PLPP1: variants seen among roughly 807,000 people sequenced by gnomAD.
PLPP1 encodes lipid phosphate phosphohydrolase 1a.
A neutral mutation model predicts 31.2 loss-of-function variants in PLPP1; 24 were observed. The observed-to-expected ratio is 0.77, with a 90% CI of 0.56 to 1.08. The LOEUF (loss-of-function observed/expected upper bound fraction) is 1.08, where lower values mean the gene tolerates loss of function less well. Among genes scored for constraint, PLPP1 ranks in the 50% least tolerant of loss-of-function variants. The probability of loss-of-function intolerance (pLI) is 0.00; values close to 1 mark genes in which losing one functional copy is unlikely to be tolerated. For missense variants in PLPP1, 319 were observed against 342.7 expected (o/e 0.93, Z 0.55); for synonymous variants, 146 against 126.3 (o/e 1.16, Z -1.05).
chr5:55,434,556 C>T (rs1268080368), intron 4 of PLPP1, among the ~76,000 whole-genome samples: 1 of 152,154 alleles, frequency 6.6e-6, no homozygotes, highest in Non-Finnish European at 1.5e-5. Flanking sequence ...ACCAAAACAG[C>T]ACAGTATTGG....
chr5:55,493,672 G>A (rs1263680489), intron 1 of PLPP1, among the ~76,000 whole-genome samples: 1 of 151,994 alleles, frequency 6.6e-6, no homozygotes, highest in Non-Finnish European at 1.5e-5. Flanking sequence ...TGGATCACAA[G>A]GTCAGGAGAT....
rs66505824 is a variant in PLPP1, at chr5:55,442,664, ATT to A, written c.492-758_492-757del. Among the ~76,000 whole-genome samples, 11 of 150,776 alleles carry A rather than the reference ATT, an allele frequency of 7.3e-5. No individual in the cohort carries two copies. In the South Asian group the frequency reaches 1.5e-3, roughly 20 times the overall value. ...GAGACGCCATCTCAAAAAAAAAAAAATTTGGTGTTTTAAATGGGCACACATCT... is the reference window on the plus strand; with the variant it reads ...GAGACGCCATCTCAAAAAAAAAAAAATGGTGTTTTAAATGGGCACACATCT... On this transcript the variant is annotated intron_variant, in intron 3 of 5. Coordinates refer to ENST00000307259, the MANE Select transcript of PLPP1 (RefSeq NM_003711.4).
chr5:55,430,785 A>G (rs1206215899), intron 4 of PLPP1, among the ~76,000 whole-genome samples: 9 of 152,040 alleles, frequency 5.9e-5, no homozygotes, highest in Admixed American at 5.9e-4. Flanking sequence ...ATAATGATTC[A>G]AAAAAAATTG....
intron 3 of PLPP1, among the ~76,000 whole-genome samples, chr5:55,465,066 CAG>C (rs1438327764): frequency 6.9e-6 from 1 of 144,386 alleles, no homozygotes; most frequent in African/African-American, 2.6e-5. Flanking sequence ...TTTTTTGAGA[CAG>C]AGTCTCATCC....
intron 3 of PLPP1, among the ~76,000 whole-genome samples, chr5:55,459,157 C>CA (rs1200323911): frequency 1.4e-5 from 2 of 140,524 alleles, no homozygotes; most frequent in African/African-American, 2.6e-5. Flanking sequence ...TAATATCAGG[C>CA]AAAATAGACT....
intron 1 of PLPP1, chr5:55,484,766 A>G (rs1216977884): frequency 6.6e-6 from 1 of 152,148 alleles, no homozygotes; most frequent in Non-Finnish European, 1.5e-5. Context: ...TAACCATGTG[A>G]TTAGGGGGAC....
intron 1 of PLPP1, among the ~76,000 whole-genome samples, chr5:55,529,870 G>GAATGT (rs1740602946): frequency 6.6e-6 from 1 of 152,184 alleles, no homozygotes; most frequent in South Asian, 2.1e-4. Flanking sequence ...AAAAATTCAA[G>GAATGT]AATATTTAAT....
chr5:55,532,592 T>C (rs987019151), intron 1 of PLPP1, among the ~76,000 whole-genome samples: 1 of 152,200 alleles, frequency 6.6e-6, no homozygotes, highest in Non-Finnish European at 1.5e-5. Context: ...AAAGGTAATT[T>C]TTTGTTGCAA....
intron 1 of PLPP1, among the ~76,000 whole-genome samples, chr5:55,518,856 T>C (rs907937787): frequency 2.0e-5 from 3 of 152,228 alleles, no homozygotes; most frequent in Non-Finnish European, 2.9e-5. Context: ...ATTCTCATTA[T>C]AATTTACAAT....
chr5:55,465,678 T>C (rs1752275076), intron 3 of PLPP1, among the ~76,000 whole-genome samples: 1 of 152,212 alleles, frequency 6.6e-6, no homozygotes, highest in Non-Finnish European at 1.5e-5. Context: ...TTGTTTTACA[T>C]GGTATGTTTT....
chr5:55,478,499 C>A (rs1191276828), intron 1 of PLPP1, among the ~76,000 whole-genome samples: 1 of 152,118 alleles, frequency 6.6e-6, no homozygotes, highest in Non-Finnish European at 1.5e-5. Context: ...ATGAGAGACT[C>A]CATCTCAGCA....
chr5:55,479,825 C>T (rs1752634775), intron 1 of PLPP1, among the ~76,000 whole-genome samples: 1 of 152,176 alleles, frequency 6.6e-6, no homozygotes, highest in Non-Finnish European at 1.5e-5. Context: ...ACCATTCCTC[C>T]TACTTTGAGA....
intron 2 of PLPP1, among the ~76,000 whole-genome samples, chr5:55,472,667 AG>A (rs1460221797): frequency 3.0e-3 from 22 of 7,330 alleles, no homozygotes; most frequent in South Asian, 0.019. Context: ...AGAGAGAGAG[AG>A]ACAGAAAGAG....
intron 4 of PLPP1, among the ~76,000 whole-genome samples, chr5:55,428,661 T>C (rs1297613227): frequency 1.3e-5 from 2 of 152,200 alleles, no homozygotes; most frequent in South Asian, 2.1e-4. Flanking sequence ...TGTCTGAAGC[T>C]TCTCAATACT....
intron 1 of PLPP1, among the ~76,000 whole-genome samples, chr5:55,479,535 G>A (rs543728305): frequency 6.6e-6 from 1 of 152,284 alleles, no homozygotes; most frequent in Admixed American, 6.5e-5. Flanking sequence ...GTCCAAGGTG[G>A]CAAACAACAC....
intron 2 of PLPP1, among the ~76,000 whole-genome samples, chr5:55,469,348 G>C (rs1293755913): frequency 1.3e-5 from 2 of 151,908 alleles, no homozygotes; most frequent in African/African-American, 4.8e-5. Context: ...AATTAGCCAG[G>C]AGTGGTGGTA....
chr5:55,502,469 AGAGT>A (rs1753168226), intron 1 of PLPP1, among the ~76,000 whole-genome samples: 1 of 151,742 alleles, frequency 6.6e-6, no homozygotes. Flanking sequence ...CCTAGTGACA[AGAGT>A]GAGACTCCGT....
In PLPP1 at chr5:55,425,932, A is replaced by T. The variant is rs1367905569; in HGVS notation, c.657T>A (p.Ser219=). 1 of 1,614,072 alleles carries T rather than the reference A, an allele frequency of 6.2e-7. No homozygotes were observed. Among genetic ancestry groups the T allele is most frequent in the Non-Finnish European group, 8.5e-7 (1 of 1,179,994 alleles). The change falls in exon 5 of 6, where the codon TCT becomes TCA. Residue 219 remains serine (S), a synonymous_variant. Coordinates refer to ENST00000307259, the MANE Select transcript of PLPP1 (RefSeq NM_003711.4). ...CATCGCTCCAGTGGTGTTTATAATC[A>T]GAAACTCGAGAAAGGCCCACATAAA... ...VSIYVGLSRV[S]DYKHHWSDVL...
At chr5:55,508,388 T>C (rs1032156019) in intron 1 of PLPP1, among the ~76,000 whole-genome samples, 1 of 152,234 alleles carries the variant, frequency 6.6e-6, no homozygotes, top group African/African-American at 2.4e-5. Flanking sequence ...TTCATTTAAT[T>C]CTCATAATTC....
Sources: gnomAD v4.1 joint callset for allele counts (sites outside exome capture counted in the v4.1 genomes callset) on GRCh38, gnomAD v4.1.1 for gene constraint, MANE v1.5 for transcripts, NCBI Gene and HGNC (gene_info 2026-07-23, HGNC 2026-07-21) for gene names.